GLI3: variants seen among roughly 807,000 people sequenced by gnomAD.
GLI3 encodes transcription activator GLI3.
Under a neutral mutation model 100.8 loss-of-function variants are expected in GLI3, and 20 were observed. The ratio of observed to expected loss-of-function variants is 0.20; its 90% CI spans 0.14 to 0.29. GLI3 has a LOEUF of 0.29. Among genes scored for constraint, GLI3 ranks in the 10% least tolerant of loss-of-function variants. The pLI, the probability that GLI3 is intolerant of heterozygous loss-of-function variation, is 1.00. For missense variants in GLI3, 2,040 were observed against 2,128.5 expected (o/e 0.96, Z 0.82); for synonymous variants, 938 against 860.5 (o/e 1.09, Z -1.58).
At chr7:42,183,970 G>T (rs1191211842) in intron 2 of GLI3, among the ~76,000 whole-genome samples, 1 of 152,146 alleles carries the variant, frequency 6.6e-6, no homozygotes, top group Non-Finnish European at 1.5e-5. Flanking sequence ...CCCCAGCTCC[G>T]ACACTGGCCA....
chr7:42,116,082 C>T (rs1785847211), intron 3 of GLI3, among the ~76,000 whole-genome samples: 1 of 151,926 alleles, frequency 6.6e-6, no homozygotes, highest in African/African-American at 2.4e-5. Flanking sequence ...AGTGGAAACA[C>T]CAACAAACCC....
chr7:42,086,462 T>C (rs1213098548), intron 3 of GLI3, among the ~76,000 whole-genome samples: 5 of 152,050 alleles, frequency 3.3e-5, no homozygotes, highest in African/African-American at 1.2e-4. Context: ...TATCCCTCCC[T>C]TCTCCCAAAA....
intron 3 of GLI3, among the ~76,000 whole-genome samples, chr7:42,115,819 G>C (rs1045207352): frequency 6.6e-6 from 1 of 152,150 alleles, no homozygotes; most frequent in African/African-American, 2.4e-5. Flanking sequence ...GAGTGGGAAG[G>C]AGTTGGCATA....
At chr7:42,096,036 G>A (rs1785330907) in intron 3 of GLI3, among the ~76,000 whole-genome samples, 2 of 152,168 alleles carry the variant, frequency 1.3e-5, no homozygotes, top group African/African-American at 4.8e-5. Context: ...GGCAGTTTCA[G>A]GCAAGATGCA....
intron 8 of GLI3, 103 bp downstream of exon 8, chr7:42,026,096 T>C (rs1789102592): frequency 1.3e-6 from 1 of 756,904 alleles, no homozygotes; most frequent in Non-Finnish European, 2.3e-6. Context: ...GTACAGAGGC[T>C]GTGAGAACAC....
Position 42,180,197 on chromosome 7 carries a change from C to A in GLI3, c.125-31729G>T, listed in dbSNP as rs765533241. Among the ~76,000 whole-genome samples the A allele has an allele frequency of 2.4e-4, 36 of 152,010 alleles. 1 individual carries two copies. The highest frequency in any genetic ancestry group is 5.2e-4 in the Admixed American group (8 of 15,244). ...GCCCAGCTATCATGCAGAGACTGTGCCAGGTGGAGCAGGGGGAAGACCCCT... is the reference window on the plus strand; with the variant it reads ...GCCCAGCTATCATGCAGAGACTGTGACAGGTGGAGCAGGGGGAAGACCCCT... On this transcript the variant is annotated intron_variant, in intron 2 of 14. Coordinates refer to ENST00000395925, the MANE Select transcript of GLI3 (RefSeq NM_000168.6).
chr7:42,114,273 A>G (rs142947209), intron 3 of GLI3, among the ~76,000 whole-genome samples: 118 of 152,332 alleles, frequency 7.7e-4, no homozygotes, highest in Middle Eastern at 3.4e-3. Flanking sequence ...CATCAGATGA[A>G]GACTTATTGG....
At chr7:42,129,145 A>G (rs1184901347) in intron 3 of GLI3, among the ~76,000 whole-genome samples, 2 of 152,224 alleles carry the variant, frequency 1.3e-5, no homozygotes, top group African/African-American at 4.8e-5. Context: ...ACTCTGTGCT[A>G]GGCACTTCTA....
intron 10 of GLI3, among the ~76,000 whole-genome samples, chr7:41,980,353 A>C (rs542469827): frequency 1.3e-5 from 2 of 152,284 alleles, no homozygotes; most frequent in South Asian, 4.1e-4. Context: ...TTCAATCCGC[A>C]CGTCTGCTTC....
intron 1 of GLI3, among the ~76,000 whole-genome samples, 173 bp from the exon 2 acceptor site, chr7:42,223,468 C>A (rs1788527412): frequency 6.6e-6 from 1 of 151,570 alleles, no homozygotes; most frequent in African/African-American, 2.4e-5. Flanking sequence ...CAAAATTTAA[C>A]AAACCAGTGA....
chr7:42,154,276 C>A (rs905309970), intron 2 of GLI3, among the ~76,000 whole-genome samples: 1 of 152,100 alleles, frequency 6.6e-6, no homozygotes, highest in African/African-American at 2.4e-5. Context: ...CAATCCTCCC[C>A]CTACCACGCG....
chr7:42,217,484 A>C (rs1788400832), intron 2 of GLI3, among the ~76,000 whole-genome samples: 1 of 152,228 alleles, frequency 6.6e-6, no homozygotes, highest in Non-Finnish European at 1.5e-5. Flanking sequence ...ACAAACCACC[A>C]GTTCAACCCA....
chr7:42,033,331 G>A (rs1789349184), intron 7 of GLI3, among the ~76,000 whole-genome samples: 1 of 152,156 alleles, frequency 6.6e-6, no homozygotes, highest in Non-Finnish European at 1.5e-5. Context: ...TTTCATTCAG[G>A]TTTGAATTTT....
chr7:42,131,988 A>G (rs1434193118), intron 3 of GLI3, among the ~76,000 whole-genome samples: 3 of 152,172 alleles, frequency 2.0e-5, no homozygotes, highest in African/African-American at 7.2e-5. Flanking sequence ...ACTAAAACAA[A>G]AACAGTGACA....
chr7:42,037,729 T>C (rs1171506319), intron 7 of GLI3, among the ~76,000 whole-genome samples: 1 of 152,176 alleles, frequency 6.6e-6, no homozygotes, highest in African/African-American at 2.4e-5. Context: ...TTTAAGTGAA[T>C]CTCTTCTTCC....
intron 1 of GLI3, among the ~76,000 whole-genome samples, chr7:42,253,114 C>T (rs536109038): frequency 6.6e-6 from 1 of 152,344 alleles, no homozygotes; most frequent in Non-Finnish European, 1.5e-5. Context: ...CGCCTTGTAG[C>T]TAGCTGAGCC....
intron 3 of GLI3, among the ~76,000 whole-genome samples, chr7:42,115,199 T>G (rs999929203): frequency 1.4e-5 from 2 of 138,880 alleles, no homozygotes; most frequent in African/African-American, 5.4e-5. Flanking sequence ...AGTGCAGTGG[T>G]GTGATCTCAG....
chr7:42,121,074 A>G (rs1583575346), intron 3 of GLI3, among the ~76,000 whole-genome samples: 1 of 152,270 alleles, frequency 6.6e-6, no homozygotes, highest in East Asian at 1.9e-4. Flanking sequence ...TAATTTGCCA[A>G]TGACAAAAGG....
intron 10 of GLI3, among the ~76,000 whole-genome samples, chr7:41,985,435 T>C (rs1478321593): frequency 1.3e-5 from 2 of 152,180 alleles, no homozygotes; most frequent in African/African-American, 4.8e-5. Flanking sequence ...AGAAGTAAAC[T>C]ATTTCAAGTA....
Sources: allele counts gnomAD v4.1 joint callset (sites outside exome capture counted in the v4.1 genomes callset), GRCh38; gene constraint gnomAD v4.1.1; transcripts MANE v1.5; gene names NCBI Gene and HGNC (gene_info 2026-07-23, HGNC 2026-07-21).